Variants in GRID2 observed in about 807,000 individuals in gnomAD.
GRID2 encodes the protein glutamate ionotropic receptor delta type subunit 2.
Under a neutral mutation model 114.8 loss-of-function variants are expected in GRID2, and 33 were observed. That is an observed-to-expected ratio of 0.29 (90% CI 0.22 to 0.38). GRID2 has a LOEUF of 0.38. Among genes scored for constraint, GRID2 ranks in the 10% least tolerant of loss-of-function variants. GRID2 has a pLI of 1.00. For missense variants in GRID2, 1,184 were observed against 1,257.7 expected, an observed-to-expected ratio of 0.94 and a Z score of 0.89; for synonymous variants, 505 against 449.9, an observed-to-expected ratio of 1.12 and a Z score of -1.55.
At position 93,772,108 on chromosome 4, in the gene GRID2, T is replaced by A; in HGVS notation, c.2634T>A (p.His878Gln). 1 of 1,612,612 alleles carries A rather than the reference T, an allele frequency of 6.2e-7. No individual in the cohort carries two copies. Among genetic ancestry groups the A allele is most frequent in the Non-Finnish European group, 8.5e-7 (1 of 1,178,690 alleles). ...DDKEIDLEHL[H>Q]RRVNSLCTDD... ...AGGAAATTGACCTGGAGCACCTCCATAGACGTGTAAATAGCTTGTGCACAG... is the reference window on the plus strand; with the variant it reads ...AGGAAATTGACCTGGAGCACCTCCAAAGACGTGTAAATAGCTTGTGCACAG... Residue 878 changes from histidine (H) to glutamine (Q), a missense_variant, in exon 16 of 16, where the codon CAT (histidine) becomes CAA (glutamine). Coordinates refer to ENST00000282020, the MANE Select transcript of GRID2 (RefSeq NM_001510.4).
chr4:93,748,971 T>G (rs1474199077), intron 14 of GRID2, among the ~76,000 whole-genome samples: 1 of 152,004 alleles, frequency 6.6e-6, no homozygotes, highest in Non-Finnish European at 1.5e-5. Flanking sequence ...TAGGTAGGGG[T>G]ATTCTTCCAC....
At chr4:93,208,543 C>A (rs1209127525) in intron 5 of GRID2, among the ~76,000 whole-genome samples, 1 of 151,940 alleles carries the variant, frequency 6.6e-6, no homozygotes, top group Non-Finnish European at 1.5e-5. Context: ...AAACCATATT[C>A]TCTGAAGTAC....
At position 93,120,416 on chromosome 4, in the gene GRID2, T is replaced by TA. The variant is rs1733672547; in HGVS notation, c.735+9469dup. ...TACACCATGGAATACTATGCAGCCA[T>TA]AAAAAAGAATGAATTCATGCCCTTT... On this transcript the variant is annotated intron_variant, in intron 4 of 15. Transcript: ENST00000282020. 2.6e-5 allele frequency among the ~76,000 whole-genome samples: 4 copies of TA among 152,096 alleles called. No homozygotes were observed. In the South Asian group the frequency reaches 6.2e-4, roughly 24 times the overall value.
At chr4:93,704,444 G>GT in intron 14 of GRID2, among the ~76,000 whole-genome samples, 1 of 152,202 alleles carries the variant, frequency 6.6e-6, no homozygotes, top group East Asian at 1.9e-4. Flanking sequence ...CATTCTGTAG[G>GT]TTGCCTGTTC....
At chr4:92,452,853 T>C (rs576218577) in intron 1 of GRID2, among the ~76,000 whole-genome samples, 51 of 148,166 alleles carry the variant, frequency 3.4e-4, no homozygotes, top group Admixed American at 6.1e-4. Flanking sequence ...TATATATATA[T>C]TTACCATATA....
intron 8 of GRID2, among the ~76,000 whole-genome samples, chr4:93,378,418 G>GT (rs2149304196): frequency 6.6e-6 from 1 of 152,058 alleles, no homozygotes; most frequent in East Asian, 1.9e-4. Context: ...GTGCATATCT[G>GT]TTTTTTCTAG....
intron 13 of GRID2, among the ~76,000 whole-genome samples, chr4:93,587,823 A>G (rs1370839745): frequency 1.3e-5 from 2 of 152,142 alleles, no homozygotes; most frequent in African/African-American, 4.8e-5. Context: ...ACTCAAAGAA[A>G]AGCTTCCAAA....
chr4:93,334,349 C>A (rs1481192553), intron 8 of GRID2, among the ~76,000 whole-genome samples: 1 of 151,404 alleles, frequency 6.6e-6, no homozygotes, highest in Non-Finnish European at 1.5e-5. Context: ...AACCCTATGA[C>A]AATAAGTCAG....
At chr4:92,426,837 G>A (rs1359089081) in intron 1 of GRID2, among the ~76,000 whole-genome samples, 1 of 151,864 alleles carries the variant, frequency 6.6e-6, no homozygotes, top group Non-Finnish European at 1.5e-5. Context: ...AAAAGCATAA[G>A]GTCACCTCCT....
chr4:92,704,742 TC>T (rs1734871641), intron 2 of GRID2, among the ~76,000 whole-genome samples: 1 of 150,156 alleles, frequency 6.7e-6, no homozygotes, highest in African/African-American at 2.5e-5. Context: ...TCTCTCTCTC[TC>T]TCCCTCCCTC....
chr4:93,735,390 C>T (rs541700738), intron 14 of GRID2, among the ~76,000 whole-genome samples: 1 of 151,852 alleles, frequency 6.6e-6, no homozygotes, highest in Admixed American at 6.6e-5. Flanking sequence ...TGTATACAAC[C>T]AACAATTCAT....
chr4:93,211,906 C>T (rs1743526696), intron 5 of GRID2, among the ~76,000 whole-genome samples: 1 of 152,066 alleles, frequency 6.6e-6, no homozygotes, highest in Admixed American at 6.6e-5. Flanking sequence ...CAAATTATTC[C>T]ATTCACCCGC....
At chr4:93,707,394 T>G (rs1337846676) in intron 14 of GRID2, among the ~76,000 whole-genome samples, 1 of 152,132 alleles carries the variant, frequency 6.6e-6, no homozygotes, top group Non-Finnish European at 1.5e-5. Context: ...TATTGATCTA[T>G]TCAGGTTTTG....
intron 13 of GRID2, among the ~76,000 whole-genome samples, chr4:93,550,913 C>T (rs1045364884): frequency 6.6e-6 from 1 of 152,046 alleles, no homozygotes; most frequent in African/African-American, 2.4e-5. Flanking sequence ...TTAGCTGGCA[C>T]CTACAGTGAG....
intron 14 of GRID2, among the ~76,000 whole-genome samples, chr4:93,664,982 G>A (rs1202335531): frequency 6.6e-6 from 1 of 152,132 alleles, no homozygotes; most frequent in Non-Finnish European, 1.5e-5. Context: ...CAGTAGGTGT[G>A]GGGTTTCTTA....
At chr4:92,919,620 A>C (rs1749131850) in intron 2 of GRID2, among the ~76,000 whole-genome samples, 1 of 152,182 alleles carries the variant, frequency 6.6e-6, no homozygotes, top group Admixed American at 6.5e-5. Context: ...CCCAGTAGTC[A>C]TTCAGGAGCA....
At chr4:93,553,316 G>T (rs1013833042) in intron 13 of GRID2, among the ~76,000 whole-genome samples, 1 of 152,172 alleles carries the variant, frequency 6.6e-6, no homozygotes, top group Non-Finnish European at 1.5e-5. Flanking sequence ...TTTAAGGATT[G>T]CCATTCTAAC....
intron 4 of GRID2, among the ~76,000 whole-genome samples, chr4:93,180,032 A>G (rs1739733938): frequency 6.6e-6 from 1 of 152,148 alleles, no homozygotes; most frequent in Non-Finnish European, 1.5e-5. Flanking sequence ...ATCTTTTTAA[A>G]CGAAGAAAAA....
intron 11 of GRID2, among the ~76,000 whole-genome samples, chr4:93,457,866 T>C (rs572596074): frequency 3.3e-5 from 5 of 152,310 alleles, no homozygotes; most frequent in East Asian, 1.9e-4. Context: ...CTGCTGCACA[T>C]TGAGTTTGAG....
Sources: gnomAD v4.1 joint callset for allele counts (sites outside exome capture counted in the v4.1 genomes callset) on GRCh38, gnomAD v4.1.1 for gene constraint, MANE v1.5 for transcripts, NCBI Gene and HGNC (gene_info 2026-07-23, HGNC 2026-07-21) for gene names.